The following NSG2 variants were observed in gnomAD, a reference collection of about 807,000 sequenced individuals.
The protein encoded by NSG2 is neuronal vesicle trafficking associated 2.
Under a neutral mutation model 16.9 loss-of-function variants are expected in NSG2, and 4 were observed. That is an observed-to-expected ratio of 0.24 (90% CI 0.12 to 0.54). NSG2 has a LOEUF of 0.54. Among genes scored for constraint, NSG2 ranks in the 20% least tolerant of loss-of-function variants. The pLI, the probability that NSG2 is intolerant of heterozygous loss-of-function variation, is 0.95. For synonymous variants in NSG2, 98 were observed against 88.7 expected, an observed-to-expected ratio of 1.11 and a Z score of -0.59; for missense variants, 179 against 221.1, an observed-to-expected ratio of 0.81 and a Z score of 1.21.
intron 3 of NSG2, 59 bp from the exon 4 acceptor site, chr5:174,104,169 A>G: frequency 8.2e-7 from 1 of 1,218,686 alleles, no homozygotes; most frequent in Non-Finnish European, 1.2e-6. Flanking sequence ...TGAAAGCTGC[A>G]TACGGGGACT....
At position 174,046,856 on chromosome 5, in the gene NSG2, A is replaced by G; in HGVS notation, c.101A>G (p.Asn34Ser). 1 of 1,614,110 alleles carries G rather than the reference A, an allele frequency of 6.2e-7. No individual in the cohort carries two copies. ...CCTCTCATCACTCCCTTGGAGGTTA[A>G]TCACTTACAGCTGCCTGCTCCAGAA... ...TVPLITPLEV[N>S]HLQLPAPEKV... The change falls in exon 2 of 5, where the codon AAT (asparagine) becomes AGT (serine). Residue 34 changes from asparagine (N) to serine (S), a missense_variant. Asn to Ser is a conservative substitution (Grantham distance 46, BLOSUM62 1). Coordinates refer to ENST00000303177, the MANE Select transcript of NSG2 (RefSeq NM_015980.5).
chr5:174,047,233 T>C (rs1331562959), intron 2 of NSG2, among the ~76,000 whole-genome samples: 1 of 152,222 alleles, frequency 6.6e-6, no homozygotes. Flanking sequence ...TTGACAGGTA[T>C]AGATTTGAGG....
In NSG2 at chr5:174,071,283, C is replaced by T. The variant is rs149193956; in HGVS notation, c.213+6968C>T. ...GTGGGTGGATCACGAGGTCAGGAGA[C>T]GGAGACCATCCTGGCCAACATGGTG... is the stretch of plus-strand genomic sequence containing the variant. On this transcript the variant is annotated intron_variant, in intron 3 of 4. Transcript: ENST00000303177. Among the ~76,000 whole-genome samples, 159 of 152,216 alleles carry T rather than the reference C, an allele frequency of 1.0e-3. 4 individuals carry two copies. In the East Asian group the frequency reaches 0.024, roughly 23 times the overall value.
chr5:174,106,883 G>A (rs768938346), intron 4 of NSG2, among the ~76,000 whole-genome samples: 13 of 151,994 alleles, frequency 8.6e-5, no homozygotes, highest in Non-Finnish European at 1.9e-4. Flanking sequence ...GTGAGCCACC[G>A]CATCCGGCAA....
At chr5:174,095,732 T>C (rs1292932224) in intron 3 of NSG2, among the ~76,000 whole-genome samples, 1 of 152,208 alleles carries the variant, frequency 6.6e-6, no homozygotes, top group Admixed American at 6.5e-5. Flanking sequence ...ACATGCATTA[T>C]CCCACGTAAC....
intron 3 of NSG2, among the ~76,000 whole-genome samples, chr5:174,101,368 ATGT>A (rs1411429010): frequency 6.6e-6 from 1 of 152,208 alleles, no homozygotes; most frequent in African/African-American, 2.4e-5. Context: ...TGCATCCATA[ATGT>A]TGTGCAACCA....
chr5:174,085,765 A>AT (rs1760602644), intron 3 of NSG2, among the ~76,000 whole-genome samples: 1 of 152,216 alleles, frequency 6.6e-6, no homozygotes, highest in South Asian at 2.1e-4. Flanking sequence ...AAAGCTCCAC[A>AT]TCCCAGGCCA....
chr5:174,082,957 G>GC (rs1432848487), intron 3 of NSG2, among the ~76,000 whole-genome samples: 5 of 152,140 alleles, frequency 3.3e-5, no homozygotes, highest in Non-Finnish European at 7.4e-5. Flanking sequence ...GCTCTCTAGT[G>GC]CCCCCAGTAA....
At chr5:174,050,966 A>G (rs575819121) in intron 2 of NSG2, among the ~76,000 whole-genome samples, 1 of 151,806 alleles carries the variant, frequency 6.6e-6, no homozygotes, top group Non-Finnish European at 1.5e-5. Context: ...ACAACATCCC[A>G]TCCCTGAATC....
chr5:174,062,232 A>G (rs1760064782), intron 2 of NSG2, among the ~76,000 whole-genome samples: 1 of 152,152 alleles, frequency 6.6e-6, no homozygotes, highest in African/African-American at 2.4e-5. Flanking sequence ...AACTCACCCA[A>G]GGTCACCAGC....
intron 3 of NSG2, among the ~76,000 whole-genome samples, chr5:174,067,519 G>A (rs1406795095): frequency 6.6e-6 from 1 of 152,264 alleles, no homozygotes; most frequent in African/African-American, 2.4e-5. Flanking sequence ...TGGTTCAGGG[G>A]CAGCCCTCTG....
chr5:174,054,116 C>G (rs991299331), intron 2 of NSG2, among the ~76,000 whole-genome samples: 1 of 152,212 alleles, frequency 6.6e-6, no homozygotes, highest in African/African-American at 2.4e-5. Flanking sequence ...GATCTGCATG[C>G]GCCAGCGTGG....
At chr5:174,050,995 C>G (rs1191107469) in intron 2 of NSG2, among the ~76,000 whole-genome samples, 1 of 152,192 alleles carries the variant, frequency 6.6e-6, no homozygotes, top group Non-Finnish European at 1.5e-5. Flanking sequence ...GCCACTCCAG[C>G]TCTTTCACCA....
chr5:174,078,908 T>C lies in NSG2; in HGVS notation c.213+14593T>C, dbSNP rs140095232. On this transcript the variant is annotated intron_variant, in intron 3 of 4. Transcript: ENST00000303177. ...TGTTTCTAAGCTATCCAGTCTATGG[T>C]ATTTTCTTATAACAGCCCAAATGGA... is the stretch of plus-strand genomic sequence containing the variant. Among the ~76,000 whole-genome samples, 98 of 152,222 alleles carry C rather than the reference T, an allele frequency of 6.4e-4. No individual in the cohort carries two copies. In the East Asian group the frequency reaches 0.018, roughly 27 times the overall value.
intron 3 of NSG2, among the ~76,000 whole-genome samples, chr5:174,068,922 G>C (rs1240338294): frequency 6.6e-6 from 1 of 151,204 alleles, no homozygotes; most frequent in Non-Finnish European, 1.5e-5. Context: ...GCTGTGGAAG[G>C]TGCTGGTGTC....
chr5:174,052,137 A>T (rs1759898700), intron 2 of NSG2, among the ~76,000 whole-genome samples: 1 of 152,122 alleles, frequency 6.6e-6, no homozygotes. Flanking sequence ...TTTCTGTCCA[A>T]TCAGTCCTCC....
intron 3 of NSG2, among the ~76,000 whole-genome samples, chr5:174,067,007 A>T (rs1349038838): frequency 6.6e-6 from 1 of 150,676 alleles, no homozygotes; most frequent in South Asian, 2.1e-4. Flanking sequence ...AAAAAAAAAA[A>T]AAAAAAAAAG....
At chr5:174,067,199 A>T (rs763034519) in intron 3 of NSG2, among the ~76,000 whole-genome samples, 53 of 151,968 alleles carry the variant, frequency 3.5e-4, no homozygotes, top group Middle Eastern at 3.4e-3. Context: ...AGGGCTATAT[A>T]TTTTTTTTGT....
At chr5:174,057,434 A>T (rs187504131) in intron 2 of NSG2, among the ~76,000 whole-genome samples, 230 of 152,250 alleles carry the variant, frequency 1.5e-3, no homozygotes, top group Non-Finnish European at 2.5e-3. Flanking sequence ...AGGAACTGTG[A>T]CTTTATCGTT....
Sources: gnomAD v4.1 joint callset for allele counts (sites outside exome capture counted in the v4.1 genomes callset) on GRCh38, gnomAD v4.1.1 for gene constraint, MANE v1.5 for transcripts, NCBI Gene and HGNC (gene_info 2026-07-23, HGNC 2026-07-21) for gene names.